Variants in MEIOC observed in about 807,000 individuals in gnomAD.
The protein encoded by MEIOC is meiosis specific with coiled-coil domain.
In MEIOC, 9 loss-of-function variants were observed where a neutral mutation model predicts 85.3. The observed-to-expected ratio is 0.11, with a 90% CI of 0.06 to 0.18. The LOEUF is 0.18. Ranked by LOEUF, MEIOC falls within the 10% of genes least tolerant of loss-of-function variation. The pLI, the probability that MEIOC is intolerant of heterozygous loss-of-function variation, is 1.00. For missense variants in MEIOC, 898 were observed against 1,129.4 expected, an observed-to-expected ratio of 0.80 and a Z score of 2.94; for synonymous variants, 365 against 393.7, an observed-to-expected ratio of 0.93 and a Z score of 0.86.
At chr17:44,656,993 C>A (rs1460538012) in intron 1 of MEIOC, 134 bp from the exon 2 acceptor site, 2 of 1,040,268 alleles carry the variant, frequency 1.9e-6, no homozygotes, top group Non-Finnish European at 2.7e-6. Flanking sequence ...GAAGCGCGGG[C>A]CCCCACATTC....
Position 44,668,076 on chromosome 17 carries a change from T to G in MEIOC, c.2165T>G (p.Phe722Cys). 1 of 1,613,470 alleles carries G rather than the reference T, an allele frequency of 6.2e-7. No homozygotes were observed. Among genetic ancestry groups the G allele is most frequent in the Non-Finnish European group, 8.5e-7 (1 of 1,179,542 alleles). The change falls in exon 5 of 8, where the codon TTT becomes TGT. Residue 722 changes from phenylalanine (F) to cysteine (C), a missense_variant. This residue lies in a region of MEIOC where 734 missense variants were observed against 860.1 expected (regional missense o/e 0.85). Coordinates refer to ENST00000409122, the MANE Select transcript of MEIOC (RefSeq NM_001145080.3). ...YDDLSHLYPY[F>C]NMMYGDNSFS... ...GACTTAAGCCATTTGTACCCTTATT[T>G]TAATATGATGTATGGTGATAATTCT...
At chr17:44,661,288 CAAAAAAA>C (rs1186351387) in intron 2 of MEIOC, among the ~76,000 whole-genome samples, 3 of 54,222 alleles carry the variant, frequency 5.5e-5, no homozygotes, top group African/African-American at 7.9e-5. Context: ...ACTCTTGTCT[CAAAAAAA>C]AAAAAAAAAA....
chr17:44,672,722 A>G lies in MEIOC; in HGVS notation c.2458-644A>G, dbSNP rs1259181990. Among the ~76,000 whole-genome samples the G allele has an allele frequency of 6.6e-5, 10 of 152,222 alleles. 1 individual carries two copies. Among genetic ancestry groups the G allele is most frequent in the South Asian group, 4.1e-4 (2 of 4,836 alleles). ...AACATACTCCCCCTACTGACCTAAT[A>G]TATCAGTGCCCTTTTTTAAGTTTCA... On this transcript the variant is annotated intron_variant, in intron 6 of 7. Coordinates refer to ENST00000409122, the MANE Select transcript of MEIOC (RefSeq NM_001145080.3).
chr17:44,657,362 AG>A, intron 2 of MEIOC, 101 bp downstream of exon 2: 4 of 942,068 alleles, frequency 4.2e-6, no homozygotes, highest in Non-Finnish European at 6.1e-6. Context: ...GTTAAGGAAG[AG>A]AAAACCAGGG....
intron 2 of MEIOC, among the ~76,000 whole-genome samples, chr17:44,658,315 C>T (rs1016372581): frequency 3.8e-4 from 57 of 151,536 alleles, no homozygotes; most frequent in African/African-American, 1.3e-3. Flanking sequence ...CCACCACGCC[C>T]GGCTAATTTT....
chr17:44,662,655 T>C (rs970930373), intron 3 of MEIOC, among the ~76,000 whole-genome samples, 184 bp downstream of exon 3: 1 of 152,186 alleles, frequency 6.6e-6, no homozygotes, highest in Non-Finnish European at 1.5e-5. Flanking sequence ...GTGTTTTGCT[T>C]TGTTTTGTTT....
chr17:44,665,728 A>G (rs1971894437), intron 4 of MEIOC, among the ~76,000 whole-genome samples: 1 of 152,078 alleles, frequency 6.6e-6, no homozygotes, highest in South Asian at 2.1e-4. Flanking sequence ...ATTCAGAGCT[A>G]TTTCCCTTGA....
At chr17:44,657,456 T>TC (rs1370469485) in intron 2 of MEIOC, among the ~76,000 whole-genome samples, 195 bp downstream of exon 2, 1 of 144,022 alleles carries the variant, frequency 6.9e-6, no homozygotes, top group African/African-American at 2.6e-5. Context: ...CCATCTCGGC[T>TC]CACTGCAACC....
chr17:44,670,185 C>G (rs1971981890), intron 6 of MEIOC: 6 of 149,856 alleles, frequency 4.0e-5, no homozygotes, highest in Admixed American at 3.4e-4. Context: ...ATAGCTTGAG[C>G]CTGGGATGTC....
chr17:44,673,655 T>A, intron 7 of MEIOC, 109 bp downstream of exon 7: 2 of 919,498 alleles, frequency 2.2e-6, no homozygotes, highest in East Asian at 2.7e-5. Flanking sequence ...AACACTTACC[T>A]ACAGAATAAA....
Position 44,656,686 on chromosome 17 carries a change from A to G in MEIOC, c.69+4A>G. ...CCTGAGGGAGGAAGGACTTGAGGTAATGGATGAGGAAGGGCAGGGTCCAGG... is the reference window on the plus strand; with the variant it reads ...CCTGAGGGAGGAAGGACTTGAGGTAGTGGATGAGGAAGGGCAGGGTCCAGG... On this transcript the variant is annotated splice_donor_region_variant and intron_variant, in intron 1 of 7. Transcript: ENST00000409122. The G allele has an allele frequency of 6.7e-7, 1 of 1,489,208 alleles. No individual in the cohort carries two copies. Among genetic ancestry groups the G allele is most frequent in the Non-Finnish European group, 8.9e-7 (1 of 1,119,790 alleles). The allele number at this position is 1,489,208 out of a possible 1,614,324, so 92.2% of individuals were successfully genotyped here.
At chr17:44,673,614 T>G in intron 7 of MEIOC, 68 bp downstream of exon 7, 2 of 1,279,832 alleles carry the variant, frequency 1.6e-6, no homozygotes, top group Non-Finnish European at 2.1e-6. Flanking sequence ...AAAATCAGAT[T>G]CTGAGGTTGA....
intron 6 of MEIOC, among the ~76,000 whole-genome samples, chr17:44,672,066 T>C (rs1262518048): frequency 2.0e-5 from 3 of 152,140 alleles, no homozygotes; most frequent in Non-Finnish European, 4.4e-5. Flanking sequence ...CTGCAACCTC[T>C]GCCTCGCGGG....
chr17:44,664,491 C>T (rs1431065686), intron 3 of MEIOC, among the ~76,000 whole-genome samples: 2 of 152,088 alleles, frequency 1.3e-5, no homozygotes, highest in Non-Finnish European at 2.9e-5. Context: ...ACATGATGCT[C>T]AAAACAAATG....
intron 1 of MEIOC, among the ~76,000 whole-genome samples, 173 bp from the exon 2 acceptor site, chr17:44,656,954 C>T (rs1971767095): frequency 6.6e-6 from 1 of 152,042 alleles, no homozygotes; most frequent in Non-Finnish European, 1.5e-5. Flanking sequence ...CTCAGGGGGC[C>T]CGAGGGGAGA....
At position 44,667,363 on chromosome 17, in the gene MEIOC, AAAT is replaced by A. The variant is rs1446909877; in HGVS notation, c.1455_1457del (p.Asn486del). Reference sequence around the variant, plus strand: ...CAACTTGGATGAATGTTCAAACAAAAAATAACACTCCTATTCCTTATCGAAATC... The same window carrying A: ...CAACTTGGATGAATGTTCAAACAAAAAACACTCCTATTCCTTATCGAAATC... On this transcript the variant is annotated inframe_deletion, in exon 5 of 8. Transcript: ENST00000409122. 3 of 1,613,922 alleles carry A rather than the reference AAAT, an allele frequency of 1.9e-6. No individual in the cohort carries two copies. In the Admixed American group the frequency reaches 5.0e-5, roughly 27 times the overall value.
Position 44,667,168 on chromosome 17 carries a change from A to C in MEIOC, c.1257A>C (p.Thr419=). The C allele has an allele frequency of 1.9e-6, 3 of 1,613,938 alleles. No homozygotes were observed. In the South Asian group the frequency reaches 3.3e-5, roughly 18 times the overall value. ...EAVFTADFGL[T]SEYGLKPHTA... ...TATTCACTGCTGATTTTGGCTTAAC[A>C]TCAGAATATGGACTAAAACCTCACA... is the stretch of plus-strand genomic sequence containing the variant. The change falls in exon 5 of 8, where the codon ACA becomes ACC. Residue 419 remains threonine (T), a synonymous_variant. Coordinates refer to ENST00000409122, the MANE Select transcript of MEIOC (RefSeq NM_001145080.3).
At position 44,674,419 on chromosome 17, in the gene MEIOC, G is replaced by C; in HGVS notation, c.*223G>C. 3 of 1,286,200 alleles carry C rather than the reference G, an allele frequency of 2.3e-6. No individual in the cohort carries two copies. The highest frequency in any genetic ancestry group is 5.0e-5 in the South Asian group (2 of 40,108). 79.7% of individuals were successfully genotyped at this position (1,286,200 alleles called of 1,614,324 possible). A position where few individuals can be genotyped will look rare whatever the true frequency, so the allele number is the denominator to read the frequency against. On this transcript the variant is annotated 3_prime_UTR_variant, in exon 8 of 8. Transcript: ENST00000409122. ...GGTACAGTTGACTACTCAGAGTTCT[G>C]AGTAGTCAGATAACAAGTTTAAGTA... is the stretch of plus-strand genomic sequence containing the variant.
intron 2 of MEIOC, among the ~76,000 whole-genome samples, chr17:44,658,042 G>A (rs193164735): frequency 6.7e-6 from 1 of 149,676 alleles, no homozygotes; most frequent in Admixed American, 6.7e-5. Flanking sequence ...TTTAGAGACC[G>A]GGTTTCACCA....
Sources: gnomAD v4.1 joint callset for allele counts (sites outside exome capture counted in the v4.1 genomes callset) on GRCh38, gnomAD v4.1.1 for gene constraint, gnomAD v4.1.1 regional missense constraint, MANE v1.5 for transcripts, NCBI Gene and HGNC (gene_info 2026-07-23, HGNC 2026-07-21) for gene names.